Variants in ARHGAP44 observed in about 807,000 individuals in gnomAD.
The protein encoded by ARHGAP44 is rho GTPase-activating protein 44.
Under a neutral mutation model 106.8 loss-of-function variants are expected in ARHGAP44, and 43 were observed. That is an observed-to-expected ratio of 0.40 (90% confidence interval 0.32 to 0.52). The LOEUF (loss-of-function observed/expected upper bound fraction) is 0.52. ARHGAP44 is among the 20% of genes least tolerant of loss of function. The pLI, the probability that ARHGAP44 is intolerant of heterozygous loss-of-function variation, is 0.48. For synonymous variants in ARHGAP44, 439 were observed against 410.3 expected (o/e 1.07, Z -0.85); for missense variants, 866 against 1,050.5 (o/e 0.82, Z 2.43).
intron 10 of ARHGAP44, among the ~76,000 whole-genome samples, chr17:12,946,674 A>G (rs1189724845): frequency 6.6e-6 from 1 of 151,746 alleles, no homozygotes; most frequent in African/African-American, 2.4e-5. Flanking sequence ...TGGCACACGC[A>G]TCTGTAATCC....
At chr17:12,816,638 C>A (rs1213227994) in intron 1 of ARHGAP44, among the ~76,000 whole-genome samples, 1 of 152,044 alleles carries the variant, frequency 6.6e-6, no homozygotes, top group African/African-American at 2.4e-5. Context: ...ATACAGTGGA[C>A]TTCAAGGAAA....
At chr17:12,791,425 C>G (rs2033753931) in intron 1 of ARHGAP44, among the ~76,000 whole-genome samples, 1 of 152,196 alleles carries the variant, frequency 6.6e-6, no homozygotes, top group African/African-American at 2.4e-5. Context: ...CGTCACCCTG[C>G]AGGCGGGCAT....
intron 1 of ARHGAP44, among the ~76,000 whole-genome samples, chr17:12,812,757 A>G (rs1003821958): frequency 6.6e-6 from 1 of 152,244 alleles, no homozygotes; most frequent in African/African-American, 2.4e-5. Flanking sequence ...GTGCTTCTCA[A>G]CTGGGGAACA....
chr17:12,949,298 AG>A lies in ARHGAP44; in HGVS notation c.973+51del. The stretch of plus-strand genomic sequence containing the variant: ...TGTGTGCCATGGAGGCTCACAGGGA[AG>A]GGGTAGAGGGGAGGCTGTGTGGCTA... On this transcript the variant is annotated intron_variant, in intron 11 of 20. Transcript: ENST00000379672. This position sits in a 1 kb window ranked among gnomAD's most constrained non-coding sequence, Gnocchi z 4.1. The A allele has an allele frequency of 6.6e-7, 1 of 1,521,330 alleles. No homozygotes were observed. Among genetic ancestry groups the A allele is most frequent in the African/African-American group, 1.4e-5 (1 of 72,494 alleles). The allele number at this position is 1,521,330 out of a possible 1,614,324, so 94.2% of individuals were successfully genotyped here. A position where few individuals can be genotyped will look rare whatever the true frequency, so the allele number is the denominator to read the frequency against.
At chr17:12,865,497 A>ATCAG (rs752584269) in intron 1 of ARHGAP44, among the ~76,000 whole-genome samples, 1 of 152,186 alleles carries the variant, frequency 6.6e-6, no homozygotes, top group Non-Finnish European at 1.5e-5. Flanking sequence ...GAGGTCAGAA[A>ATCAG]TCAGTAGTGA....
In ARHGAP44 at chr17:12,980,151, G is replaced by T; in HGVS notation, c.1857G>T (p.Gly619=). The change falls in exon 19 of 21, where the codon GGG becomes GGT. Residue 619 remains glycine, a synonymous_variant. Coordinates refer to ENST00000379672, the MANE Select transcript of ARHGAP44 (RefSeq NM_014859.6). ...CAGCCTGTGCAGGGACTCAACCAGG[G>T]GCTCAACCTGGAGCTCAGCCGGGCG... ...QGTACAGTQP[G]AQPGAQPGAS... is the part of the protein sequence containing the mutation. 6.2e-7 allele frequency: 1 copy of T among 1,613,486 alleles called. No individual in the cohort carries two copies. The highest frequency in any genetic ancestry group is 2.2e-5 in the East Asian group (1 of 44,868).
At chr17:12,951,401 A>T (rs937621084) in intron 12 of ARHGAP44, among the ~76,000 whole-genome samples, 3 of 152,196 alleles carry the variant, frequency 2.0e-5, no homozygotes, top group Admixed American at 6.6e-5. Context: ...TTTACACTTA[A>T]CCACAGCACT....
chr17:12,914,799 G>GAAAA (rs749775862), intron 4 of ARHGAP44, among the ~76,000 whole-genome samples: 1 of 123,254 alleles, frequency 8.1e-6, no homozygotes, highest in African/African-American at 3.0e-5. Context: ...TCCATCTCAA[G>GAAAA]AAAAAAAAAA....
At chr17:12,896,719 C>G (rs1225658553) in intron 3 of ARHGAP44, among the ~76,000 whole-genome samples, 1 of 152,224 alleles carries the variant, frequency 6.6e-6, no homozygotes, top group East Asian at 1.9e-4. Flanking sequence ...TGAAGCATCC[C>G]CCGCCCTCCA....
chr17:12,892,260 A>G (rs1330512314), intron 1 of ARHGAP44, among the ~76,000 whole-genome samples: 2 of 152,138 alleles, frequency 1.3e-5, no homozygotes, highest in Non-Finnish European at 2.9e-5. Context: ...CCCTGGAAAA[A>G]TGATGTGCCA....
chr17:12,816,365 A>G (rs1187032963), intron 1 of ARHGAP44, among the ~76,000 whole-genome samples: 1 of 152,190 alleles, frequency 6.6e-6, no homozygotes, highest in Non-Finnish European at 1.5e-5. Context: ...CTGCCACACA[A>G]GCTTTTAGGA....
intron 7 of ARHGAP44, among the ~76,000 whole-genome samples, chr17:12,930,490 G>A (rs1249964419): frequency 6.6e-6 from 1 of 151,982 alleles, no homozygotes; most frequent in Non-Finnish European, 1.5e-5. Flanking sequence ...TACCTGCCTC[G>A]GCCTCACAAA....
chr17:12,841,585 G>GTCTCTCTCTCTCTCTCTC (rs146801593), intron 1 of ARHGAP44, among the ~76,000 whole-genome samples: 4 of 123,268 alleles, frequency 3.2e-5, no homozygotes, highest in African/African-American at 1.4e-4. Flanking sequence ...CTGTCTCTCT[G>GTCTCTCTCTCTCTCTCTC]TCTCTCTCTC....
chr17:12,821,768 G>A (rs994461106), intron 1 of ARHGAP44, among the ~76,000 whole-genome samples: 1 of 151,952 alleles, frequency 6.6e-6, no homozygotes, highest in African/African-American at 2.4e-5. Context: ...TGTGAATCAC[G>A]GTTTTTAAAA....
chr17:12,929,899 C>T (rs1394488674), intron 7 of ARHGAP44, among the ~76,000 whole-genome samples: 1 of 152,200 alleles, frequency 6.6e-6, no homozygotes, highest in Non-Finnish European at 1.5e-5. Flanking sequence ...CTAGTCTTAG[C>T]TTGTCCATAG....
At chr17:12,983,447 G>A (rs1374544536) in intron 19 of ARHGAP44, among the ~76,000 whole-genome samples, 2 of 152,154 alleles carry the variant, frequency 1.3e-5, no homozygotes, top group African/African-American at 4.8e-5. Flanking sequence ...ATCCTATAGG[G>A]AGATTGGGAA....
Position 12,965,372 on chromosome 17 carries a change from G to A in ARHGAP44, c.1523+6475G>A, listed in dbSNP as rs139612332. On this transcript the variant is annotated intron_variant, in intron 16 of 20. Transcript: ENST00000379672. ...TGGTCTATGGGATATTTACATCAGG[G>A]CCAGCAGCCTCCCTTGAGCTCTGTT... Among the ~76,000 whole-genome samples the A allele has an allele frequency of 5.4e-3, 816 of 152,304 alleles. 5 individuals carry two copies. The highest frequency in any genetic ancestry group is 9.7e-3 in the Non-Finnish European group (657 of 68,032).
chr17:12,888,841 C>A (rs1435523265), intron 1 of ARHGAP44, among the ~76,000 whole-genome samples: 4 of 151,980 alleles, frequency 2.6e-5, no homozygotes, highest in Admixed American at 6.6e-5. Flanking sequence ...ATTTCATGCT[C>A]CCCTTTATCT....
intron 7 of ARHGAP44, among the ~76,000 whole-genome samples, chr17:12,929,841 G>A (rs2038349047): frequency 6.6e-6 from 1 of 152,142 alleles, no homozygotes; most frequent in Non-Finnish European, 1.5e-5. Flanking sequence ...AGTTTTGAAG[G>A]AGAATAACCA....
Sources: allele counts gnomAD v4.1 joint callset (sites outside exome capture counted in the v4.1 genomes callset), GRCh38; gene constraint gnomAD v4.1.1; non-coding constraint Gnocchi (gnomAD v3.1); transcripts MANE v1.5; gene names NCBI Gene and HGNC (gene_info 2026-07-23, HGNC 2026-07-21).